The following TFG variants were observed in gnomAD, a reference collection of about 807,000 sequenced individuals.
TFG encodes the protein trafficking from ER to golgi regulator, also known as protein TFG.
Under a neutral mutation model 51.4 loss-of-function variants are expected in TFG, and 22 were observed. That is an observed-to-expected ratio of 0.43 (90% CI 0.31 to 0.61). TFG has a LOEUF of 0.61. Among genes scored for constraint, TFG ranks in the 20% least tolerant of loss-of-function variants. The probability of loss-of-function intolerance (pLI) is 0.12; values close to 1 mark genes in which losing one functional copy is unlikely to be tolerated. For missense variants in TFG, 419 were observed against 487.7 expected, an observed-to-expected ratio of 0.86 and a Z score of 1.33; for synonymous variants, 187 against 165.6, an observed-to-expected ratio of 1.13 and a Z score of -0.99.
At chr3:100,713,492 A>T (rs1559703664) in intron 1 of TFG, among the ~76,000 whole-genome samples, 151 bp from the exon 2 acceptor site, 1 of 152,368 alleles carries the variant, frequency 6.6e-6, no homozygotes, top group East Asian at 1.9e-4. Context: ...ACAGTAAAAT[A>T]ATGTTGCCTC....
intron 7 of TFG, among the ~76,000 whole-genome samples, chr3:100,746,165 A>G (rs1050678801): frequency 6.6e-6 from 1 of 152,172 alleles, no homozygotes; most frequent in Admixed American, 6.6e-5. Context: ...AGTGTTACAA[A>G]CTATGTTATT....
At chr3:100,744,962 T>C in intron 7 of TFG, 31 bp downstream of exon 7, 1 of 1,479,350 alleles carries the variant, frequency 6.8e-7, no homozygotes, top group Non-Finnish European at 9.4e-7. Context: ...AGTTGGCTCA[T>C]GGTTTTTTGT....
intron 4 of TFG, among the ~76,000 whole-genome samples, chr3:100,729,141 C>T (rs1053017728): frequency 2.0e-5 from 3 of 152,176 alleles, no homozygotes; most frequent in Admixed American, 6.5e-5. Flanking sequence ...TCTTTCGCAA[C>T]TAGTCTTAGA....
chr3:100,723,885 A>G (rs566930464), intron 3 of TFG, among the ~76,000 whole-genome samples: 4 of 152,238 alleles, frequency 2.6e-5, no homozygotes, highest in African/African-American at 4.8e-5. Flanking sequence ...CTGTAAGTCA[A>G]GTCTTCCAGA....
At chr3:100,744,263 G>C (rs891235294) in intron 6 of TFG, 1 of 152,152 alleles carries the variant, frequency 6.6e-6, no homozygotes, top group Non-Finnish European at 1.5e-5. Flanking sequence ...CTTTATTAGA[G>C]TCCACGTTAT....
chr3:100,712,221 G>C (rs994980808), intron 1 of TFG, among the ~76,000 whole-genome samples: 1 of 152,098 alleles, frequency 6.6e-6, no homozygotes. Flanking sequence ...TTTATATGAA[G>C]AATAGTAGGG....
In TFG at chr3:100,728,574, A is replaced by T. The variant is rs984836819; in HGVS notation, c.269-138A>T. On this transcript the variant is annotated intron_variant, in intron 3 of 7. Coordinates refer to ENST00000240851, the MANE Select transcript of TFG (RefSeq NM_006070.6). ...AGCCATAGAGAATTCTTTTTTTTTA[A>T]AAAAAAAGTTACTCCATTACATTGA... 12 of 679,060 alleles carry T rather than the reference A, an allele frequency of 1.8e-5. No homozygotes were observed. In the African/African-American group the frequency reaches 1.9e-4, roughly 11 times the overall value. 42.1% of individuals were successfully genotyped at this position (679,060 alleles called of 1,614,324 possible). A position where few individuals can be genotyped will look rare whatever the true frequency, so the allele number is the denominator to read the frequency against.
intron 6 of TFG, chr3:100,744,049 C>T (rs1433963659): frequency 1.1e-4 from 16 of 151,682 alleles, no homozygotes; most frequent in Admixed American, 9.9e-4. Context: ...GCTTGAAAAT[C>T]ACAGGTATGG....
chr3:100,741,834 A>C (rs1440094745), intron 6 of TFG, among the ~76,000 whole-genome samples: 1 of 152,134 alleles, frequency 6.6e-6, no homozygotes, highest in Non-Finnish European at 1.5e-5. Context: ...ATGTGTTAGA[A>C]TTGCCTAAGT....
intron 2 of TFG, 68 bp from the exon 3 acceptor site, chr3:100,719,906 GT>G (rs1378500469): frequency 2.1e-6 from 2 of 951,416 alleles, no homozygotes; most frequent in Non-Finnish European, 3.1e-6. Flanking sequence ...ATTTTTACTA[GT>G]TTACTGCTTA....
In TFG at chr3:100,748,271, C is replaced by G; in HGVS notation, c.943C>G (p.Pro315Ala). ...SGQPQQLPAQ[P>A]PQQYQASNYP... is the part of the protein sequence containing the mutation. ...TCAGCCTCAACAACTGCCTGCTCAG[C>G]CGCCACAGCAGTACCAGGCGAGCAA... The change falls in exon 8 of 8, where the codon CCG (proline) becomes GCG (alanine). Residue 315 changes from proline to alanine, a missense_variant. Around this residue, in one of 3 missense-constraint regions of TFG, gnomAD observed 391 missense variants for 434.4 expected, o/e 0.90. Transcript: ENST00000240851. 6.2e-7 allele frequency: 1 copy of G among 1,614,092 alleles called. No homozygotes were observed. The highest frequency in any genetic ancestry group is 8.5e-7 in the Non-Finnish European group (1 of 1,179,996).
At chr3:100,732,930 G>T (rs144325884) in intron 5 of TFG, among the ~76,000 whole-genome samples, 1 of 152,200 alleles carries the variant, frequency 6.6e-6, no homozygotes, top group East Asian at 1.9e-4. Context: ...TAAAGAATAA[G>T]CACTGTTGGG....
rs371226161 is a variant in TFG, at chr3:100,719,770, A to G, written c.185-205A>G. ...TGTGGATATGTGTAAATACCTTGCC[A>G]TAAGAGTAATAAGCAAAATTGATTT... On this transcript the variant is annotated intron_variant, in intron 2 of 7. Coordinates refer to ENST00000240851, the MANE Select transcript of TFG (RefSeq NM_006070.6). Among the ~76,000 whole-genome samples the G allele has an allele frequency of 2.0e-5, 3 of 152,186 alleles. No homozygotes were observed. The East Asian group carries it at 5.8e-4, about 29-fold the overall frequency.
intron 6 of TFG, chr3:100,742,944 A>G (rs971974143): frequency 2.6e-5 from 4 of 152,098 alleles, no homozygotes; most frequent in African/African-American, 9.7e-5. Flanking sequence ...ATTGAGGGGA[A>G]TAACTGTGGT....
chr3:100,730,770 G>T (rs1476688849), intron 4 of TFG, among the ~76,000 whole-genome samples: 3 of 152,158 alleles, frequency 2.0e-5, no homozygotes, highest in Non-Finnish European at 4.4e-5. Flanking sequence ...ATAGAAGATT[G>T]ACCTGTTGCA....
intron 4 of TFG, 143 bp downstream of exon 4, chr3:100,729,001 C>T: frequency 4.4e-6 from 3 of 681,154 alleles, no homozygotes; most frequent in Non-Finnish European, 6.9e-6. Flanking sequence ...GTATTTATGT[C>T]TGTGTTCCTA....
chr3:100,732,785 T>C (rs2095095451), intron 5 of TFG, 113 bp downstream of exon 5: 1 of 910,036 alleles, frequency 1.1e-6, no homozygotes, highest in Non-Finnish European at 1.6e-6. Flanking sequence ...TGCACAAATC[T>C]TAAGGGTTCT....
At chr3:100,728,467 C>T (rs940440645) in intron 3 of TFG, among the ~76,000 whole-genome samples, 1 of 151,332 alleles carries the variant, frequency 6.6e-6, no homozygotes, top group East Asian at 1.9e-4. Flanking sequence ...CCTACCAAAC[C>T]TTTTTACCAG....
intron 6 of TFG, among the ~76,000 whole-genome samples, chr3:100,738,901 A>G (rs1167833152): frequency 1.3e-5 from 2 of 152,224 alleles, no homozygotes; most frequent in Non-Finnish European, 2.9e-5. Flanking sequence ...TGTACTCACT[A>G]TTAAAAAGTT....
Sources: allele counts gnomAD v4.1 joint callset (sites outside exome capture counted in the v4.1 genomes callset), GRCh38; gene constraint gnomAD v4.1.1; regional missense constraint gnomAD v4.1.1; transcripts MANE v1.5; gene names NCBI Gene and HGNC (gene_info 2026-07-23, HGNC 2026-07-21).